Variants in SULF1 observed in about 807,000 individuals in gnomAD.
SULF1 encodes extracellular sulfatase Sulf-1.
A neutral mutation model predicts 110.5 loss-of-function variants in SULF1; 46 were observed. The observed-to-expected ratio is 0.42, with a 90% CI of 0.33 to 0.53. The LOEUF is 0.53. SULF1 is among the 20% of genes least tolerant of loss of function. SULF1 has a pLI of 0.12. For synonymous variants in SULF1, 371 were observed against 387.1 expected (o/e 0.96, Z 0.49); for missense variants, 941 against 1,094.2 (o/e 0.86, Z 1.98).
chr8:69,571,496 C>T (rs552649241), intron 5 of SULF1, among the ~76,000 whole-genome samples: 1 of 152,320 alleles, frequency 6.6e-6, no homozygotes, highest in East Asian at 1.9e-4. Context: ...CTTTATCATC[C>T]TCACCCCTGC....
intron 21 of SULF1, among the ~76,000 whole-genome samples, chr8:69,639,859 T>G (rs1811328157): frequency 6.6e-6 from 1 of 152,134 alleles, no homozygotes; most frequent in African/African-American, 2.4e-5. Context: ...CACTGCAGGG[T>G]CACAAAGGCT....
At chr8:69,629,087 G>A (rs1425649635) in intron 18 of SULF1, among the ~76,000 whole-genome samples, 2 of 152,140 alleles carry the variant, frequency 1.3e-5, no homozygotes, top group Admixed American at 1.3e-4. Flanking sequence ...AGGCTTTAGT[G>A]CGGTGGTGCA....
At chr8:69,596,839 A>G (rs1807376613) in intron 8 of SULF1, among the ~76,000 whole-genome samples, 1 of 152,160 alleles carries the variant, frequency 6.6e-6, no homozygotes, top group Non-Finnish European at 1.5e-5. Flanking sequence ...CCAGCTACCT[A>G]TGAGAATGGG....
upstream of SULF1, among the ~76,000 whole-genome samples, chr8:69,488,833 G>C (rs2150550962): frequency 6.6e-6 from 1 of 152,158 alleles, no homozygotes; most frequent in Middle Eastern, 3.4e-3. Context: ...GTTGCACCGG[G>C]AACAGAGTGG....
At chr8:69,537,140 A>C (rs10957496) in intron 3 of SULF1, among the ~76,000 whole-genome samples, 38,365 of 151,756 alleles carry the variant, frequency 0.25, 5,384 homozygotes, top group East Asian at 0.47. Flanking sequence ...GCATTAGGAG[A>C]CTCTGTGCCC....
chr8:69,538,752 G>T (rs1813645429), intron 3 of SULF1, among the ~76,000 whole-genome samples: 1 of 152,084 alleles, frequency 6.6e-6, no homozygotes, highest in East Asian at 1.9e-4. Flanking sequence ...AAGTGCAATG[G>T]TGCAATCTTG....
chr8:69,635,275 T>G (rs1007736587), intron 19 of SULF1, among the ~76,000 whole-genome samples: 12 of 151,970 alleles, frequency 7.9e-5, no homozygotes, highest in African/African-American at 2.9e-4. Flanking sequence ...ACACCAAGAG[T>G]AAACACAAAT....
chr8:69,519,430 G>T (rs1457017719), intron 3 of SULF1, among the ~76,000 whole-genome samples: 1 of 151,692 alleles, frequency 6.6e-6, no homozygotes, highest in East Asian at 1.9e-4. Flanking sequence ...TAACATGTGG[G>T]GTTTTTTTAA....
intron 3 of SULF1, among the ~76,000 whole-genome samples, chr8:69,513,729 A>G (rs1433780930): frequency 6.6e-6 from 1 of 152,210 alleles, no homozygotes; most frequent in African/African-American, 2.4e-5. Flanking sequence ...CATCAGCTCA[A>G]CTGGACTGAA....
chr8:69,507,111 C>T (rs1811251909), intron 3 of SULF1, among the ~76,000 whole-genome samples: 7 of 152,122 alleles, frequency 4.6e-5, no homozygotes, highest in Admixed American at 4.6e-4. Flanking sequence ...ATCACCATGC[C>T]ACAGTTTAGG....
chr8:69,558,963 G>C (rs1196210213), intron 3 of SULF1, among the ~76,000 whole-genome samples: 4 of 151,922 alleles, frequency 2.6e-5, no homozygotes, highest in Non-Finnish European at 4.4e-5. Flanking sequence ...AAAAAATTGT[G>C]AATAAATTAT....
At chr8:69,647,087 G>A (rs985595206) in intron 22 of SULF1, among the ~76,000 whole-genome samples, 1 of 151,740 alleles carries the variant, frequency 6.6e-6, no homozygotes, top group African/African-American at 2.4e-5. Flanking sequence ...TGGGACTACA[G>A]GCACAGACCA....
chr8:69,511,029 A>G (rs1811525754), intron 3 of SULF1, among the ~76,000 whole-genome samples: 3 of 151,480 alleles, frequency 2.0e-5, no homozygotes, highest in African/African-American at 7.3e-5. Flanking sequence ...CTGTCTCAGG[A>G]CTCTGCACCC....
Position 69,470,390 on chromosome 8 carries a change from G to T in SULF1, c.-391+3440G>T, listed in dbSNP as rs183016416. ...AGGAGATATCTTATGGAAAAAAATT[G>T]TCCTGAAATATGTTTCCTATTTAAA... is the stretch of plus-strand genomic sequence containing the variant. On this transcript the variant is annotated intron_variant, in intron 1 of 22. Transcript: ENST00000260128. Among the ~76,000 whole-genome samples, 11 of 152,224 alleles carry T rather than the reference G, an allele frequency of 7.2e-5. No individual in the cohort carries two copies. In the East Asian group the frequency reaches 2.1e-3, roughly 29 times the overall value.
intron 6 of SULF1, among the ~76,000 whole-genome samples, chr8:69,583,811 A>G (rs1329638387): frequency 1.3e-5 from 2 of 152,176 alleles, no homozygotes. Context: ...CTATACCACA[A>G]TGGAGAAAGG....
At chr8:69,615,289 C>T (rs998292256) in intron 13 of SULF1, among the ~76,000 whole-genome samples, 3 of 152,206 alleles carry the variant, frequency 2.0e-5, no homozygotes, top group African/African-American at 7.2e-5. Flanking sequence ...ATCTGCTTCC[C>T]TCTATAAACT....
intron 1 of SULF1, among the ~76,000 whole-genome samples, chr8:69,482,719 T>C (rs181461430): frequency 1.2e-3 from 177 of 152,258 alleles, no homozygotes; most frequent in South Asian, 1.5e-3. Context: ...TTTCCGTAAG[T>C]TTGAAATTAT....
intron 1 of SULF1, among the ~76,000 whole-genome samples, chr8:69,474,338 C>T (rs112290476): frequency 7.9e-5 from 12 of 152,278 alleles, no homozygotes; most frequent in East Asian, 1.9e-4. Flanking sequence ...TTCCCAATCA[C>T]CTTTCTGTCA....
chr8:69,488,671 A>C (rs1809796196), upstream of SULF1, among the ~76,000 whole-genome samples: 2 of 152,026 alleles, frequency 1.3e-5, no homozygotes, highest in African/African-American at 4.8e-5. Flanking sequence ...TGAGGGAGGG[A>C]GGCCATCCTA....
Sources: allele counts gnomAD v4.1 joint callset (sites outside exome capture counted in the v4.1 genomes callset), GRCh38; gene constraint gnomAD v4.1.1; transcripts MANE v1.5; gene names NCBI Gene and HGNC (gene_info 2026-07-23, HGNC 2026-07-21).